The following ACAN variants were observed in gnomAD, a reference collection of about 807,000 sequenced individuals.
ACAN encodes aggrecan core protein.
In ACAN, 47 loss-of-function variants were observed where a neutral mutation model predicts 169.1. That is an observed-to-expected ratio of 0.28 (90% CI 0.22 to 0.35). The LOEUF (loss-of-function observed/expected upper bound fraction) is 0.35, where lower values mean the gene tolerates loss of function less well. Ranked by LOEUF, ACAN falls within the 10% of genes least tolerant of loss-of-function variation. The probability of loss-of-function intolerance (pLI) is 1.00; values close to 1 mark genes in which losing one functional copy is unlikely to be tolerated. For synonymous variants in ACAN, 1,115 were observed against 1,112.2 expected (o/e 1.00, Z -0.05); for missense variants, 2,716 against 2,759.9 (o/e 0.98, Z 0.36).
intron 1 of ACAN, among the ~76,000 whole-genome samples, chr15:88,826,855 T>G (rs1008378830): frequency 2.6e-5 from 4 of 152,168 alleles, no homozygotes; most frequent in African/African-American, 9.7e-5. Context: ...ATGGAATTAA[T>G]GAGTAAAGCT....
At chr15:88,828,122 A>G (rs1289853076) in intron 1 of ACAN, among the ~76,000 whole-genome samples, 1 of 152,186 alleles carries the variant, frequency 6.6e-6, no homozygotes. Flanking sequence ...AGAGCGTTTC[A>G]GGCTGGGGGA....
rs757278878 is a variant in ACAN at position 88,858,933 on chromosome 15, C to T, written c.6348C>T (p.Ala2116=). 7 of 1,610,214 alleles carry T rather than the reference C, an allele frequency of 4.3e-6. No individual in the cohort carries two copies. In the African/African-American group the frequency reaches 8.0e-5, roughly 18 times the overall value. ...AAGCTGGGTTCGGGGCATCTGCCGC[C>T]CCTGAGGCCAGCAGAGAAGATTCTG... The part of the protein sequence containing the change: ...YPEAGFGASA[A]PEASREDSGS... Residue 2116 remains alanine, a synonymous_variant, in exon 12 of 19, where the codon GCC becomes GCT. Transcript: ENST00000560601. The surrounding 1 kb of genome is among the most constrained non-coding windows in gnomAD (Gnocchi z 4.0).
intron 1 of ACAN, among the ~76,000 whole-genome samples, chr15:88,809,457 G>C (rs555364297): frequency 6.6e-6 from 1 of 152,202 alleles, no homozygotes; most frequent in African/African-American, 2.4e-5. Flanking sequence ...GGAGGCCTGT[G>C]GGGGTGCCTT....
rs1447290912 is a variant in ACAN at position 88,849,384 on chromosome 15, G to A, written c.1733-54G>A. The A allele has an allele frequency of 3.4e-6, 5 of 1,476,052 alleles. No individual in the cohort carries two copies. The highest frequency in any genetic ancestry group is 2.2e-5 in the Admixed American group (1 of 45,808). The allele number at this position is 1,476,052 out of a possible 1,614,324, so 91.4% of individuals were successfully genotyped here. Reference sequence around the variant, plus strand: ...AACTCTGTCCTGGGTGGGCAGGGATGGACCTGGCCTGAGTGTGGGGGGGTC... The same window carrying A: ...AACTCTGTCCTGGGTGGGCAGGGATAGACCTGGCCTGAGTGTGGGGGGGTC... On this transcript the variant is annotated intron_variant, in intron 9 of 18. Transcript: ENST00000560601. This position sits in a 1 kb window ranked among gnomAD's most constrained non-coding sequence, Gnocchi z 5.1.
In ACAN at chr15:88,849,971, T is replaced by A; in HGVS notation, c.2026+240T>A. On this transcript the variant is annotated intron_variant, in intron 10 of 18. Coordinates refer to ENST00000560601, the MANE Select transcript of ACAN (RefSeq NM_001369268.1). The surrounding 1 kb of genome is among the most constrained non-coding windows in gnomAD (Gnocchi z 5.1). ...ATAAGAACTTGAGCTGGTATTTATG[T>A]CTACTAGAAATGAAGCAGACCTGAA... 3.1e-6 allele frequency: 2 copies of A among 643,964 alleles called. No individual in the cohort carries two copies. Among genetic ancestry groups the A allele is most frequent in the Non-Finnish European group, 5.5e-6 (2 of 361,142 alleles). The allele number at this position is 643,964 out of a possible 1,614,324, so 39.9% of individuals were successfully genotyped here.
intron 9 of ACAN, among the ~76,000 whole-genome samples, chr15:88,848,258 A>T (rs985780057): frequency 6.6e-6 from 1 of 152,192 alleles, no homozygotes; most frequent in African/African-American, 2.4e-5. Flanking sequence ...GGTCTCCTCC[A>T]GCATTGCAGG....
intron 2 of ACAN, 127 bp downstream of exon 2, chr15:88,836,403 C>T: frequency 1.2e-6 from 1 of 806,888 alleles, no homozygotes; most frequent in Non-Finnish European, 2.1e-6. Flanking sequence ...CTTTTCCTGG[C>T]CCCACCCTTC....
At chr15:88,821,481 A>T (rs1025948476) in intron 1 of ACAN, among the ~76,000 whole-genome samples, 1 of 152,198 alleles carries the variant, frequency 6.6e-6, no homozygotes, top group East Asian at 1.9e-4. Flanking sequence ...TGCCTCACAC[A>T]GTGAGCCCCT....
chr15:88,858,658 A>G lies in ACAN; in HGVS notation c.6073A>G (p.Ser2025Gly). 6.2e-7 allele frequency: 1 copy of G among 1,614,012 alleles called. No individual in the cohort carries two copies. Among genetic ancestry groups the G allele is most frequent in the South Asian group, 1.1e-5 (1 of 91,086 alleles). ...SGESSVAMGTSGEASGLPEVT... is the reference protein window; with the variant it reads ...SGESSVAMGTGGEASGLPEVT... ...AGAATCCTCTGTAGCCATGGGCACC[A>G]GTGGAGAGGCCTCAGGACTTCCAGA... Residue 2025 changes from serine to glycine, a missense_variant, in exon 12 of 19, where the codon AGT becomes GGT. Transcript: ENST00000560601. The surrounding 1 kb of genome is among the most constrained non-coding windows in gnomAD (Gnocchi z 4.0).
chr15:88,869,524 C>T lies in ACAN; in HGVS notation c.7060+1195C>T, dbSNP rs184322992. Reference sequence around the variant, plus strand: ...AAGAAATTGGTATATGGGGTCTTGGCTGGGGTGGAAGCAGAGACTACAAGG... The same window carrying T: ...AAGAAATTGGTATATGGGGTCTTGGTTGGGGTGGAAGCAGAGACTACAAGG... On this transcript the variant is annotated intron_variant, in intron 14 of 18. Coordinates refer to ENST00000560601, the MANE Select transcript of ACAN (RefSeq NM_001369268.1). The surrounding 1 kb of genome is among the most constrained non-coding windows in gnomAD (Gnocchi z 4.2). Among the ~76,000 whole-genome samples the T allele has an allele frequency of 1.5e-3, 233 of 152,314 alleles. 2 individuals carry two copies. The highest frequency in any genetic ancestry group is 3.9e-4 in the East Asian group (2 of 5,178).
intron 13 of ACAN, among the ~76,000 whole-genome samples, chr15:88,862,497 A>G (rs1406151701): frequency 3.3e-5 from 5 of 152,200 alleles, no homozygotes; most frequent in Admixed American, 6.5e-5. Context: ...GAGAAGCTTT[A>G]GCATCTCCAA....
At chr15:88,824,713 T>C (rs1453515973) in intron 1 of ACAN, among the ~76,000 whole-genome samples, 1 of 152,004 alleles carries the variant, frequency 6.6e-6, no homozygotes, top group Non-Finnish European at 1.5e-5. Flanking sequence ...ACCCCATCTC[T>C]ACTAAAAATA....
rs1000603311 is a variant in ACAN, at chr15:88,807,040, T to A, written c.-8+3231T>A. Among the ~76,000 whole-genome samples, 42 of 135,910 alleles carry A rather than the reference T, an allele frequency of 3.1e-4. No homozygotes were observed. In the South Asian group the frequency reaches 0.011, roughly 34 times the overall value. The allele number at this position is 135,910 out of a possible 152,430, so 89.2% of individuals were successfully genotyped here. On this transcript the variant is annotated intron_variant, in intron 1 of 18. Transcript: ENST00000560601. This position sits in a 1 kb window ranked among gnomAD's most constrained non-coding sequence, Gnocchi z 4.0. ...GATATTTGCATATATTTTTATTTAA[T>A]TTTTTTTTTACTATATTGGTCCCAA...
intron 1 of ACAN, among the ~76,000 whole-genome samples, chr15:88,809,683 C>T (rs1895771444): frequency 6.6e-6 from 1 of 152,224 alleles, no homozygotes; most frequent in Admixed American, 6.5e-5. Flanking sequence ...GAACGTGCTG[C>T]ATCAGGTTGC....
In ACAN at chr15:88,807,932, C is replaced by T. The variant is rs775800134; in HGVS notation, c.-8+4123C>T. On this transcript the variant is annotated intron_variant, in intron 1 of 18. Transcript: ENST00000560601. This position sits in a 1 kb window ranked among gnomAD's most constrained non-coding sequence, Gnocchi z 4.0. ...TTGGGGTGTGTGATGCTGGGCATCA[C>T]GATTTGGATATTTGGTTACCTTTGA... Among the ~76,000 whole-genome samples the T allele has an allele frequency of 5.3e-5, 8 of 151,986 alleles. No individual in the cohort carries two copies. The highest frequency in any genetic ancestry group is 2.0e-4 in the Admixed American group (3 of 15,268).
chr15:88,829,456 G>C (rs1006824098), intron 1 of ACAN, among the ~76,000 whole-genome samples: 1 of 152,166 alleles, frequency 6.6e-6, no homozygotes, highest in Non-Finnish European at 1.5e-5. Flanking sequence ...AACAGCTGCA[G>C]TTGGGGTGAC....
chr15:88,843,547 A>G lies in ACAN; in HGVS notation c.950A>G (p.Asn317Ser), dbSNP rs760137135. The G allele has an allele frequency of 2.5e-6, 4 of 1,612,714 alleles. No homozygotes were observed. Among genetic ancestry groups the G allele is most frequent in the Admixed American group, 1.7e-5 (1 of 59,998 alleles). Residue 317 changes from asparagine to serine, a missense_variant, in exon 6 of 19, where the codon AAC (asparagine) becomes AGC (serine). Physicochemically the swap from Asn to Ser is conservative, Grantham distance 46. Around this residue, in one of 3 missense-constraint regions of ACAN, gnomAD observed 1,283 missense variants for 1,281.5 expected, o/e 1.00. Transcript: ENST00000560601. The surrounding 1 kb of genome is among the most constrained non-coding windows in gnomAD (Gnocchi z 4.0). ...VRYPISKARPNCGGNLLGVRT... is the reference protein window; with the variant it reads ...VRYPISKARPSCGGNLLGVRT... ...TACCCCATCTCCAAGGCCCGGCCCA[A>G]CTGCGGTGGCAACCTCCTGGGCGTG...
chr15:88,858,915 G>C lies in ACAN; in HGVS notation c.6330G>C (p.Gly2110=), dbSNP rs1204982163. The C allele has an allele frequency of 6.2e-7, 1 of 1,609,192 alleles. No individual in the cohort carries two copies. The highest frequency in any genetic ancestry group is 8.5e-7 in the Non-Finnish European group (1 of 1,176,574). ...SSETSAYPEA[G]FGASAAPEAS... ...AGACGTCCGCCTATCCTGAAGCTGG[G>C]TTCGGGGCATCTGCCGCCCCTGAGG... Residue 2110 remains glycine, a synonymous_variant, in exon 12 of 19, where the codon GGG becomes GGC. Transcript: ENST00000560601. This position sits in a 1 kb window ranked among gnomAD's most constrained non-coding sequence, Gnocchi z 4.0.
At position 88,849,451 on chromosome 15, in the gene ACAN, C is replaced by T. The variant is rs374406755; in HGVS notation, c.1746C>T (p.Phe582=). The T allele has an allele frequency of 4.2e-5, 67 of 1,590,124 alleles. 1 individual carries two copies. In the South Asian group the frequency reaches 5.0e-4, roughly 12 times the overall value. ...CTCTGCCCCCAGGGGAGGTGTTCTT[C>T]GCCACACGCCTTGAGCAGTTCACCT... ...FVDRLEGEVF[F]ATRLEQFTFQ... Residue 582 remains phenylalanine (F), a synonymous_variant, in exon 10 of 19, where the codon TTC becomes TTT. Coordinates refer to ENST00000560601, the MANE Select transcript of ACAN (RefSeq NM_001369268.1). The surrounding 1 kb of genome is among the most constrained non-coding windows in gnomAD (Gnocchi z 5.1).
Sources: gnomAD v4.1 joint callset for allele counts (sites outside exome capture counted in the v4.1 genomes callset) on GRCh38, gnomAD v4.1.1 for gene constraint, gnomAD v4.1.1 regional missense constraint, Gnocchi (gnomAD v3.1) non-coding constraint, MANE v1.5 for transcripts, NCBI Gene and HGNC (gene_info 2026-07-23, HGNC 2026-07-21) for gene names.